BACH2: variants seen among roughly 807,000 people sequenced by gnomAD.
BACH2 encodes BACH transcriptional regulator 2, also known as transcription regulator protein BACH2.
Under a neutral mutation model 61.8 loss-of-function variants are expected in BACH2, and 5 were observed. The ratio of observed to expected loss-of-function variants is 0.08; its 90% CI spans 0.04 to 0.17. BACH2 has a LOEUF of 0.17. Among genes scored for constraint, BACH2 ranks in the 10% least tolerant of loss-of-function variants. The pLI, the probability that BACH2 is intolerant of heterozygous loss-of-function variation, is 1.00. For missense variants in BACH2, 824 were observed against 1,091.1 expected (o/e 0.76, Z 3.45); for synonymous variants, 446 against 440.1 (o/e 1.01, Z -0.17).
At chr6:90,033,217 G>A (rs576901418) in intron 5 of BACH2, among the ~76,000 whole-genome samples, 2 of 151,972 alleles carry the variant, frequency 1.3e-5, no homozygotes, top group South Asian at 4.2e-4. Context: ...TGGGGAGGAG[G>A]GAGGGGGGAG....
chr6:89,964,331 C>G lies in BACH2; in HGVS notation c.244-12469G>C, dbSNP rs545447537. Among the ~76,000 whole-genome samples, 42 of 151,692 alleles carry G rather than the reference C, an allele frequency of 2.8e-4. No homozygotes were observed. In the South Asian group the frequency reaches 6.0e-3, roughly 22 times the overall value. Reference sequence around the variant, plus strand: ...TAATGAGTACAGAGTTTTGGATTTTCCAAGATGAAAAAACTTTGGAGATCT... The same window carrying G: ...TAATGAGTACAGAGTTTTGGATTTTGCAAGATGAAAAAACTTTGGAGATCT... On this transcript the variant is annotated intron_variant, in intron 6 of 8. Transcript: ENST00000257749.
intron 6 of BACH2, among the ~76,000 whole-genome samples, chr6:89,974,366 A>T (rs1775534182): frequency 6.6e-6 from 1 of 152,234 alleles, no homozygotes; most frequent in Non-Finnish European, 1.5e-5. Context: ...AGTGCCTGGC[A>T]TACCCTGGAT....
chr6:90,290,861 G>A (rs1365328458), intron 1 of BACH2, among the ~76,000 whole-genome samples: 2 of 152,122 alleles, frequency 1.3e-5, no homozygotes, highest in African/African-American at 4.8e-5. Flanking sequence ...TAACTAACTG[G>A]GACTTTGTCT....
At chr6:90,033,994 A>T (rs1779141391) in intron 5 of BACH2, among the ~76,000 whole-genome samples, 1 of 152,174 alleles carries the variant, frequency 6.6e-6, no homozygotes, top group Non-Finnish European at 1.5e-5. Flanking sequence ...GAGGAGGATA[A>T]CCATTTAGTA....
At chr6:90,062,410 C>A (rs1338722534) in intron 5 of BACH2, among the ~76,000 whole-genome samples, 1 of 135,544 alleles carries the variant, frequency 7.4e-6, no homozygotes, top group East Asian at 3.7e-4. Context: ...CAATATACAG[C>A]TAAAGAGGTC....
intron 5 of BACH2, among the ~76,000 whole-genome samples, chr6:90,062,377 G>A (rs190520491): frequency 2.4e-4 from 36 of 152,188 alleles, no homozygotes; most frequent in East Asian, 9.7e-4. Flanking sequence ...TGTTTGGGTA[G>A]TTATAAAAGT....
chr6:89,991,450 G>T (rs1367095675), intron 6 of BACH2, among the ~76,000 whole-genome samples: 1 of 152,074 alleles, frequency 6.6e-6, no homozygotes, highest in Non-Finnish European at 1.5e-5. Context: ...TATCTATACA[G>T]TCCTGTTCAC....
intron 1 of BACH2, among the ~76,000 whole-genome samples, chr6:90,281,292 T>C (rs974364049): frequency 3.9e-5 from 6 of 152,226 alleles, no homozygotes; most frequent in African/African-American, 1.4e-4. Flanking sequence ...AATGTAGCAA[T>C]TTACAGTTAT....
At chr6:90,049,807 T>C (rs958253152) in intron 5 of BACH2, among the ~76,000 whole-genome samples, 1 of 152,258 alleles carries the variant, frequency 6.6e-6, no homozygotes, top group Non-Finnish European at 1.5e-5. Context: ...AAAGTACTTT[T>C]GCTGCAAACC....
At chr6:90,267,508 T>C (rs1771376902) in intron 2 of BACH2, among the ~76,000 whole-genome samples, 1 of 152,234 alleles carries the variant, frequency 6.6e-6, no homozygotes, top group Non-Finnish European at 1.5e-5. Flanking sequence ...TCTGACATCA[T>C]GCATGAGTCA....
chr6:89,933,146 G>A (rs369515145), intron 8 of BACH2, among the ~76,000 whole-genome samples: 2 of 152,104 alleles, frequency 1.3e-5, no homozygotes, highest in South Asian at 2.1e-4. Context: ...GCAAACAACC[G>A]GCAAAATCGT....
Position 90,286,985 on chromosome 6 carries a change from C to T in BACH2, c.-446+9495G>A, listed in dbSNP as rs897084458. On this transcript the variant is annotated intron_variant, in intron 1 of 8. Transcript: ENST00000257749. ...AGGTAGGAACTAGAGGGCAGTTCCC[C>T]GCTAGACAGTGTGTTCCCAGAGAAA... Among the ~76,000 whole-genome samples the T allele has an allele frequency of 5.9e-5, 9 of 152,174 alleles. No individual in the cohort carries two copies. The South Asian group carries it at 1.5e-3, about 25-fold the overall frequency.
At chr6:90,064,287 C>G (rs1320082559) in intron 5 of BACH2, among the ~76,000 whole-genome samples, 2 of 152,104 alleles carry the variant, frequency 1.3e-5, no homozygotes, top group Non-Finnish European at 2.9e-5. Context: ...GGGGGTGGCA[C>G]CTGGCCTGGC....
intron 5 of BACH2, among the ~76,000 whole-genome samples, chr6:90,069,853 C>A (rs557986293): frequency 6.6e-6 from 1 of 152,098 alleles, no homozygotes; most frequent in African/African-American, 2.4e-5. Context: ...GAGAAGAAGA[C>A]TCCATGCTAA....
intron 2 of BACH2, among the ~76,000 whole-genome samples, chr6:90,269,975 C>T (rs913143398): frequency 6.6e-6 from 1 of 152,108 alleles, no homozygotes; most frequent in Non-Finnish European, 1.5e-5. Flanking sequence ...TCTTATGATA[C>T]ACTATATTTG....
chr6:89,990,365 T>C (rs1042682330), intron 6 of BACH2, among the ~76,000 whole-genome samples: 3 of 152,186 alleles, frequency 2.0e-5, no homozygotes, highest in African/African-American at 7.2e-5. Context: ...GCTGCGAAAT[T>C]CTCAACAGAA....
chr6:90,212,368 A>G (rs1582491565), intron 3 of BACH2, among the ~76,000 whole-genome samples: 1 of 152,134 alleles, frequency 6.6e-6, no homozygotes, highest in African/African-American at 2.4e-5. Context: ...TTCCTAAAGA[A>G]GAGGCAAGAG....
intron 4 of BACH2, among the ~76,000 whole-genome samples, chr6:90,138,089 C>CACAG (rs1784340218): frequency 7.1e-6 from 1 of 141,302 alleles, no homozygotes; most frequent in African/African-American, 2.6e-5. Flanking sequence ...CACACACACA[C>CACAG]AGTCTCTCTC....
chr6:90,008,906 C>T lies in BACH2; in HGVS notation c.-12-50G>A. 1 of 1,591,982 alleles carries T rather than the reference C, an allele frequency of 6.3e-7. No homozygotes were observed. The highest frequency in any genetic ancestry group is 2.2e-5 in the East Asian group (1 of 44,606). ...AAGAAAGAAAGAAAGGCTGAGTCAC[C>T]ACAGCTGTAGGATCAGAGAGAGGAG... is the stretch of plus-strand genomic sequence containing the variant. On this transcript the variant is annotated intron_variant, in intron 5 of 8. Coordinates refer to ENST00000257749, the MANE Select transcript of BACH2 (RefSeq NM_021813.4). The surrounding 1 kb of genome is among the most constrained non-coding windows in gnomAD (Gnocchi z 4.1).
Sources: gnomAD v4.1 joint callset for allele counts (sites outside exome capture counted in the v4.1 genomes callset) on GRCh38, gnomAD v4.1.1 for gene constraint, Gnocchi (gnomAD v3.1) non-coding constraint, MANE v1.5 for transcripts, NCBI Gene and HGNC (gene_info 2026-07-23, HGNC 2026-07-21) for gene names.